Variants in PPP1R9A observed in about 807,000 individuals in gnomAD.
PPP1R9A encodes neurabin-1.
In PPP1R9A, 59 loss-of-function variants were observed where a neutral mutation model predicts 141.9. The ratio of observed to expected loss-of-function variants is 0.42; its 90% CI spans 0.34 to 0.52. The LOEUF (loss-of-function observed/expected upper bound fraction) is 0.52, where lower values mean the gene tolerates loss of function less well. Among genes scored for constraint, PPP1R9A ranks in the 20% least tolerant of loss-of-function variants. The pLI, the probability that PPP1R9A is intolerant of heterozygous loss-of-function variation, is 0.10. For missense variants in PPP1R9A, 1,444 were observed against 1,611.9 expected (o/e 0.90, Z 1.78); for synonymous variants, 500 against 569.7 (o/e 0.88, Z 1.74).
intron 4 of PPP1R9A, among the ~76,000 whole-genome samples, chr7:95,157,676 A>G (rs913031897): frequency 2.0e-5 from 3 of 152,216 alleles, no homozygotes; most frequent in African/African-American, 7.2e-5. Context: ...TCAAATAAGT[A>G]AATTTCCCTT....
chr7:95,197,060 A>G (rs968050890), intron 5 of PPP1R9A, among the ~76,000 whole-genome samples: 3 of 152,166 alleles, frequency 2.0e-5, no homozygotes, highest in Admixed American at 2.0e-4. Flanking sequence ...TTAAAAGGCA[A>G]TTAATTACTA....
At chr7:95,042,189 C>T (rs1006195465) in intron 2 of PPP1R9A, among the ~76,000 whole-genome samples, 2 of 152,052 alleles carry the variant, frequency 1.3e-5, no homozygotes, top group Non-Finnish European at 2.9e-5. Context: ...TAAGATGATA[C>T]CAAAAATATT....
chr7:94,986,093 C>T (rs1430146792), intron 2 of PPP1R9A, among the ~76,000 whole-genome samples: 1 of 152,080 alleles, frequency 6.6e-6, no homozygotes, highest in East Asian at 1.9e-4. Context: ...GTTTGTAGCA[C>T]TGGTTTTGGT....
At chr7:94,942,811 AAAT>A (rs1563025046) in intron 2 of PPP1R9A, among the ~76,000 whole-genome samples, 1 of 37,146 alleles carries the variant, frequency 2.7e-5, no homozygotes, top group Non-Finnish European at 4.9e-5. Flanking sequence ...CTCAATAAAT[AAAT>A]AAATAAATAA....
intron 2 of PPP1R9A, among the ~76,000 whole-genome samples, chr7:94,997,509 G>C (rs959360465): frequency 6.6e-5 from 10 of 151,986 alleles, no homozygotes; most frequent in Non-Finnish European, 1.3e-4. Context: ...GTGGAGGCAG[G>C]GTAGCTCTCC....
chr7:95,070,593 G>GTATATATATA (rs71961632), intron 2 of PPP1R9A, among the ~76,000 whole-genome samples: 2,181 of 111,466 alleles, frequency 0.02, 121 homozygotes, highest in African/African-American at 0.051. Flanking sequence ...TAAATCTCTG[G>GTATATATATA]TATATATATA....
chr7:95,164,741 CTTTTT>C (rs200177321), intron 5 of PPP1R9A, among the ~76,000 whole-genome samples: 2 of 66,176 alleles, frequency 3.0e-5, no homozygotes, highest in Non-Finnish European at 2.8e-5. Context: ...CTTTTCTTTT[CTTTTT>C]TTTTTTTTTT....
chr7:95,226,012 C>T lies in PPP1R9A; in HGVS notation c.2008C>T (p.Pro670Ser). ...EEEDEVGPVLPGSDMAIEVFE... is the reference protein window; with the variant it reads ...EEEDEVGPVLSGSDMAIEVFE... ...AGAAGATGAGGTAGGACCTGTCCTT[C>T]CTGGCAGCGACATGGCCATTGAAGT... The change falls in exon 8 of 20, where the codon CCT becomes TCT. Residue 670 changes from proline (P) to serine (S), a missense_variant. Physicochemically the swap from Pro to Ser is moderately conservative, Grantham distance 74 (BLOSUM62 -1). Coordinates refer to ENST00000433360, the MANE Select transcript of PPP1R9A (RefSeq NM_001166160.2). The T allele has an allele frequency of 1.2e-6, 2 of 1,613,554 alleles. No homozygotes were observed.
chr7:95,218,675 A>C lies in PPP1R9A; in HGVS notation c.1957-7286A>C, dbSNP rs1232648841. Among the ~76,000 whole-genome samples, 6 of 152,318 alleles carry C rather than the reference A, an allele frequency of 3.9e-5. No homozygotes were observed. In the East Asian group the frequency reaches 1.2e-3, roughly 29 times the overall value. On this transcript the variant is annotated intron_variant, in intron 7 of 19. Coordinates refer to ENST00000433360, the MANE Select transcript of PPP1R9A (RefSeq NM_001166160.2). ...TCCTGTATTGGGTGCATATATATTT[A>C]GGATAGTTAGCTCTTCTTGTTGAAT...
intron 3 of PPP1R9A, among the ~76,000 whole-genome samples, chr7:95,115,735 A>G (rs1821374660): frequency 6.6e-6 from 1 of 151,858 alleles, no homozygotes; most frequent in South Asian, 2.1e-4. Context: ...TGGCTAACAC[A>G]TGAAACCTCA....
At chr7:95,134,368 T>A (rs1328140930) in intron 4 of PPP1R9A, among the ~76,000 whole-genome samples, 1 of 152,154 alleles carries the variant, frequency 6.6e-6, no homozygotes. Flanking sequence ...ACCTAATGCA[T>A]GCTGGGCTTA....
At chr7:95,220,392 A>G (rs906099181) in intron 7 of PPP1R9A, among the ~76,000 whole-genome samples, 2 of 152,134 alleles carry the variant, frequency 1.3e-5, no homozygotes, top group Non-Finnish European at 2.9e-5. Context: ...TTTTGTGATT[A>G]GCGCCATTTA....
chr7:95,128,723 C>A (rs146034099), intron 4 of PPP1R9A, among the ~76,000 whole-genome samples: 1,999 of 152,142 alleles, frequency 0.013, 32 homozygotes, highest in African/African-American at 0.046. Flanking sequence ...ATTACAGGCA[C>A]GTGCCACCAC....
intron 2 of PPP1R9A, among the ~76,000 whole-genome samples, chr7:95,021,262 A>G (rs1320094422): frequency 6.6e-6 from 1 of 151,174 alleles, no homozygotes; most frequent in Admixed American, 6.6e-5. Flanking sequence ...TTGGCCGCAT[A>G]AATGTCTTCT....
chr7:95,265,226 A>C (rs1801093473), intron 12 of PPP1R9A, among the ~76,000 whole-genome samples: 1 of 152,178 alleles, frequency 6.6e-6, no homozygotes, highest in Non-Finnish European at 1.5e-5. Flanking sequence ...TAAGACCAAA[A>C]AGAGGACTCA....
intron 2 of PPP1R9A, chr7:95,018,247 C>A (rs35614722): frequency 0.094 from 21,496 of 229,896 alleles, 1,135 homozygotes; most frequent in Admixed American, 0.18. Flanking sequence ...TGTTCATTCA[C>A]CACCCATTCA....
intron 2 of PPP1R9A, among the ~76,000 whole-genome samples, chr7:94,972,454 T>A (rs1798958629): frequency 6.6e-6 from 1 of 152,098 alleles, no homozygotes; most frequent in East Asian, 1.9e-4. Context: ...TCTTGTTCTC[T>A]AGCAGTGACC....
At chr7:95,031,949 A>G (rs1345185786) in intron 2 of PPP1R9A, among the ~76,000 whole-genome samples, 1 of 152,178 alleles carries the variant, frequency 6.6e-6, no homozygotes, top group Non-Finnish European at 1.5e-5. Context: ...AAAACCTCGG[A>G]TTTCTGTTTC....
At position 95,068,851 on chromosome 7, in the gene PPP1R9A, C is replaced by A. The variant is rs149666782; in HGVS notation, c.1396-42408C>A. On this transcript the variant is annotated intron_variant, in intron 2 of 19. Coordinates refer to ENST00000433360, the MANE Select transcript of PPP1R9A (RefSeq NM_001166160.2). The stretch of plus-strand genomic sequence containing the variant: ...CTTTTGTAACCACCCAATGAGTTCA[C>A]CTTGCCCACTGCTTAGACAGAGCAG... 3.4e-4 allele frequency among the ~76,000 whole-genome samples: 52 copies of A among 152,246 alleles called. No individual in the cohort carries two copies. In the East Asian group the frequency reaches 6.6e-3, roughly 19 times the overall value.
Sources: allele counts gnomAD v4.1 joint callset (sites outside exome capture counted in the v4.1 genomes callset), GRCh38; gene constraint gnomAD v4.1.1; transcripts MANE v1.5; gene names NCBI Gene and HGNC (gene_info 2026-07-23, HGNC 2026-07-21).